GRID1: variants seen among roughly 807,000 people sequenced by gnomAD.
The protein encoded by GRID1 is glutamate ionotropic receptor delta type subunit 1.
GRID1 carries 28 observed loss-of-function variants against 98.0 expected under a neutral mutation model. The observed-to-expected ratio is 0.29, with a 90% CI of 0.21 to 0.39. GRID1 has a LOEUF of 0.39. Ranked by LOEUF, GRID1 falls within the 10% of genes least tolerant of loss-of-function variation. GRID1 has a pLI of 1.00. For synonymous variants in GRID1, 553 were observed against 538.5 expected, an observed-to-expected ratio of 1.03 and a Z score of -0.37; for missense variants, 1,111 against 1,340.5, an observed-to-expected ratio of 0.83 and a Z score of 2.67.
At chr10:85,619,454 C>A (rs1006940106) in intron 14 of GRID1, among the ~76,000 whole-genome samples, 1 of 152,220 alleles carries the variant, frequency 6.6e-6, no homozygotes, top group African/African-American at 2.4e-5. Context: ...CTTATCAGAT[C>A]CTGCTAATTA....
chr10:86,338,833 C>G (rs566241062), intron 2 of GRID1, among the ~76,000 whole-genome samples: 1 of 152,282 alleles, frequency 6.6e-6, no homozygotes, highest in African/African-American at 2.4e-5. Flanking sequence ...GCTAGGATTA[C>G]AGGTGTGAGC....
rs560630987 is a variant in GRID1, at chr10:86,192,576, G to A, written c.520+13788C>T. 7.3e-5 allele frequency among the ~76,000 whole-genome samples: 11 copies of A among 150,102 alleles called. No individual in the cohort carries two copies. Among genetic ancestry groups the A allele is most frequent in the African/African-American group, 1.9e-4 (8 of 41,372 alleles). ...CTTTGTTGAATGAGTACAGAGTTTCGGTTTGGGAAGATGAGAACCTTCTGG... is the reference window on the plus strand; with the variant it reads ...CTTTGTTGAATGAGTACAGAGTTTCAGTTTGGGAAGATGAGAACCTTCTGG... On this transcript the variant is annotated intron_variant, in intron 3 of 15. Coordinates refer to ENST00000327946, the MANE Select transcript of GRID1 (RefSeq NM_017551.3). This position sits in a 1 kb window ranked among gnomAD's most constrained non-coding sequence, Gnocchi z 4.8.
chr10:86,070,449 A>C (rs1843787603), intron 4 of GRID1, among the ~76,000 whole-genome samples: 2 of 152,146 alleles, frequency 1.3e-5, no homozygotes, highest in Admixed American at 6.5e-5. Flanking sequence ...TATTATCTTA[A>C]ATGCTGCCCT....
chr10:86,225,817 A>G (rs1278813723), intron 2 of GRID1, among the ~76,000 whole-genome samples: 1 of 152,264 alleles, frequency 6.6e-6, no homozygotes, highest in South Asian at 2.1e-4. Flanking sequence ...GCTGGAGAGC[A>G]CTCATTGTGA....
At chr10:86,181,646 C>G (rs187090311) in intron 3 of GRID1, among the ~76,000 whole-genome samples, 1 of 152,086 alleles carries the variant, frequency 6.6e-6, no homozygotes, top group Admixed American at 6.5e-5. Flanking sequence ...TATGGACTTT[C>G]CCTAGAGAAA....
At chr10:86,298,242 C>T (rs1413587311) in intron 2 of GRID1, among the ~76,000 whole-genome samples, 2 of 152,032 alleles carry the variant, frequency 1.3e-5, no homozygotes, top group Non-Finnish European at 2.9e-5. Flanking sequence ...ACTGTAGCAA[C>T]AGTGAAAAAT....
At chr10:86,196,115 GC>G (rs1200769500) in intron 3 of GRID1, among the ~76,000 whole-genome samples, 10 of 151,970 alleles carry the variant, frequency 6.6e-5, no homozygotes, top group African/African-American at 2.4e-4. Context: ...TTTCCCATAA[GC>G]TGCTGACCCT....
intron 4 of GRID1, among the ~76,000 whole-genome samples, chr10:86,076,595 A>G (rs1324954293): frequency 6.6e-6 from 1 of 152,122 alleles, no homozygotes; most frequent in Non-Finnish European, 1.5e-5. Flanking sequence ...CAGACCGGAG[A>G]CCCATAGATG....
chr10:85,638,733 C>A (rs1385073664), intron 13 of GRID1, among the ~76,000 whole-genome samples: 1 of 152,002 alleles, frequency 6.6e-6, no homozygotes, highest in African/African-American at 2.4e-5. Context: ...TATAAATCAG[C>A]AATGAGAAGA....
chr10:85,676,184 G>C (rs1841143163), intron 12 of GRID1, among the ~76,000 whole-genome samples: 1 of 152,092 alleles, frequency 6.6e-6, no homozygotes, highest in Non-Finnish European at 1.5e-5. Flanking sequence ...TTTTTGGAAG[G>C]TTGAGCCTGT....
At chr10:86,172,699 T>C (rs1001274194) in intron 3 of GRID1, among the ~76,000 whole-genome samples, 2 of 152,178 alleles carry the variant, frequency 1.3e-5, no homozygotes, top group African/African-American at 4.8e-5. Context: ...TACTTATCCA[T>C]CCATCCTGCC....
At chr10:86,143,724 C>G (rs1216430160) in intron 3 of GRID1, among the ~76,000 whole-genome samples, 6 of 152,234 alleles carry the variant, frequency 3.9e-5, no homozygotes, top group Non-Finnish European at 2.9e-5. Flanking sequence ...CAAGAGCCAC[C>G]AGGTCTCCAG....
chr10:85,955,470 G>A (rs751121430), intron 4 of GRID1, among the ~76,000 whole-genome samples: 32 of 152,212 alleles, frequency 2.1e-4, no homozygotes, highest in African/African-American at 4.1e-4. Context: ...GCCTCTGCCC[G>A]GTCCCCTACC....
intron 5 of GRID1, among the ~76,000 whole-genome samples, chr10:85,905,490 A>G (rs1841447943): frequency 6.6e-6 from 1 of 152,086 alleles, no homozygotes; most frequent in Admixed American, 6.6e-5. Flanking sequence ...ATTTAAGATT[A>G]TTTTCTTATT....
chr10:86,169,546 C>T (rs1047326843), intron 3 of GRID1, among the ~76,000 whole-genome samples: 7 of 152,206 alleles, frequency 4.6e-5, no homozygotes, highest in Admixed American at 2.0e-4. Flanking sequence ...AAGGAGAAAA[C>T]GAGGGTGGGA....
At chr10:86,016,520 T>C (rs1842982984) in intron 4 of GRID1, among the ~76,000 whole-genome samples, 2 of 152,262 alleles carry the variant, frequency 1.3e-5, no homozygotes, top group African/African-American at 4.8e-5. Context: ...TTTCTATGAA[T>C]TCTCTCTAAA....
intron 2 of GRID1, among the ~76,000 whole-genome samples, chr10:86,316,240 G>A (rs1589447066): frequency 6.6e-6 from 1 of 152,232 alleles, no homozygotes; most frequent in South Asian, 2.1e-4. Flanking sequence ...CCCCCAGGCA[G>A]ACTTTGAGCT....
intron 2 of GRID1, among the ~76,000 whole-genome samples, chr10:86,337,836 T>C (rs572275663): frequency 7.4e-5 from 11 of 149,338 alleles, no homozygotes; most frequent in Non-Finnish European, 1.5e-4. Flanking sequence ...GCCTCCCGAG[T>C]AGCTGGGATT....
At chr10:85,700,701 T>G (rs1032839228) in intron 12 of GRID1, among the ~76,000 whole-genome samples, 1 of 152,148 alleles carries the variant, frequency 6.6e-6, no homozygotes, top group Non-Finnish European at 1.5e-5. Flanking sequence ...TGAACAAAAA[T>G]GAGATATTCC....
Sources: allele counts gnomAD v4.1 joint callset (sites outside exome capture counted in the v4.1 genomes callset), GRCh38; gene constraint gnomAD v4.1.1; non-coding constraint Gnocchi (gnomAD v3.1); transcripts MANE v1.5; gene names NCBI Gene and HGNC (gene_info 2026-07-23, HGNC 2026-07-21).